The following USP54 variants were observed in gnomAD, a reference collection of about 807,000 sequenced individuals.
The protein encoded by USP54 is ubiquitin carboxyl-terminal hydrolase 54.
USP54 carries 87 observed loss-of-function variants against 170.5 expected under a neutral mutation model. The observed-to-expected ratio is 0.51, with a 90% CI of 0.43 to 0.61. The LOEUF is 0.61. USP54 is among the 20% of genes least tolerant of loss of function. The pLI is 0.00. For missense variants in USP54, 1,786 were observed against 2,047.8 expected, an observed-to-expected ratio of 0.87 and a Z score of 2.47; for synonymous variants, 655 against 742.8, an observed-to-expected ratio of 0.88 and a Z score of 1.92.
At chr10:73,562,502 GT>G (rs2073308525) in intron 4 of USP54, among the ~76,000 whole-genome samples, 1 of 152,052 alleles carries the variant, frequency 6.6e-6, no homozygotes, top group Non-Finnish European at 1.5e-5. Flanking sequence ...ATGTTCTTCA[GT>G]TTTGCCTGGT....
At chr10:73,582,389 C>G (rs1341728078) in intron 1 of USP54, among the ~76,000 whole-genome samples, 2 of 144,122 alleles carry the variant, frequency 1.4e-5, no homozygotes, top group Non-Finnish European at 3.1e-5. Flanking sequence ...AGGAGAAGGA[C>G]TTTTTTTTTT....
chr10:73,539,772 C>A (rs1456567337), intron 9 of USP54, among the ~76,000 whole-genome samples, 179 bp from the exon 10 acceptor site: 1 of 152,144 alleles, frequency 6.6e-6, no homozygotes, highest in Non-Finnish European at 1.5e-5. Flanking sequence ...CTTTGTGAGG[C>A]CAAGGTAAGA....
chr10:73,556,486 C>T (rs2071086168), intron 4 of USP54, among the ~76,000 whole-genome samples: 1 of 151,810 alleles, frequency 6.6e-6, no homozygotes, highest in South Asian at 2.1e-4. Flanking sequence ...GCTGGGATTA[C>T]AGGCACCTGC....
chr10:73,557,833 A>C (rs2071542039), intron 4 of USP54, among the ~76,000 whole-genome samples: 1 of 151,678 alleles, frequency 6.6e-6, no homozygotes, highest in Non-Finnish European at 1.5e-5. Context: ...TTCAGTGACT[A>C]ACCACATCAA....
intron 1 of USP54, among the ~76,000 whole-genome samples, chr10:73,618,144 G>A (rs1296041121): frequency 1.3e-5 from 2 of 150,044 alleles, no homozygotes; most frequent in East Asian, 3.9e-4. Context: ...CCGGGAGGCG[G>A]AGGTTGCAGT....
chr10:73,533,223 A>T (rs2064407763), intron 12 of USP54, among the ~76,000 whole-genome samples: 2 of 151,826 alleles, frequency 1.3e-5, no homozygotes, highest in Non-Finnish European at 2.9e-5. Context: ...GGAGAATGGC[A>T]TGAACCTGGG....
At chr10:73,534,566 TC>T in intron 12 of USP54, 33 bp downstream of exon 12, 1 of 1,602,834 alleles carries the variant, frequency 6.2e-7, no homozygotes, top group South Asian at 1.1e-5. Flanking sequence ...AGGAATTGAT[TC>T]AGGCAAGCAG....
At chr10:73,557,878 C>CTTTTTTTTTTT (rs765656681) in intron 4 of USP54, among the ~76,000 whole-genome samples, 4 of 114,988 alleles carry the variant, frequency 3.5e-5, no homozygotes, top group Non-Finnish European at 5.4e-5. Context: ...AGCTATTATT[C>CTTTTTTTTTTT]TTTTTTTTTT....
At chr10:73,561,290 TAAGTCAAACAATCATAGTTCTAGATAGA>T (rs2072974912) in intron 4 of USP54, among the ~76,000 whole-genome samples, 1 of 151,960 alleles carries the variant, frequency 6.6e-6, no homozygotes, top group African/African-American at 2.4e-5. Context: ...TAAATACTAT[TAAGTCAAACAATCATAGTTCTAGATAGA>T]TAGCATTTCT....
chr10:73,571,606 A>G, intron 3 of USP54, 93 bp from the exon 4 acceptor site: 1 of 909,428 alleles, frequency 1.1e-6, no homozygotes, highest in Non-Finnish European at 1.7e-6. Flanking sequence ...TAATGACTGC[A>G]GAAGATGTCT....
chr10:73,611,961 A>G (rs990260928), intron 1 of USP54, among the ~76,000 whole-genome samples: 3 of 151,574 alleles, frequency 2.0e-5, no homozygotes, highest in Non-Finnish European at 4.4e-5. Flanking sequence ...ATACAAAAAA[A>G]CTAGCCAGGC....
At chr10:73,564,815 C>G (rs1159420690) in intron 4 of USP54, among the ~76,000 whole-genome samples, 2 of 150,548 alleles carry the variant, frequency 1.3e-5, no homozygotes, top group South Asian at 4.2e-4. Context: ...CTCATGCCAG[C>G]ACCTTGAGAG....
chr10:73,540,284 A>C (rs1056234450), intron 9 of USP54, among the ~76,000 whole-genome samples: 1 of 150,896 alleles, frequency 6.6e-6, no homozygotes, highest in African/African-American at 2.4e-5. Flanking sequence ...AAAAAAAAAA[A>C]AACCAGCTGG....
chr10:73,537,635 G>A lies in USP54; in HGVS notation c.976-1198C>T, dbSNP rs57126956. 3.4e-3 allele frequency among the ~76,000 whole-genome samples: 514 copies of A among 151,754 alleles called. 12 individuals are homozygous for A. In the East Asian group the frequency reaches 0.041, roughly 12 times the overall value. On this transcript the variant is annotated intron_variant, in intron 10 of 23. Transcript: ENST00000687698. ...ACAAAGAATAATTTACAGCAGCCCCGAGACAAAGTAGTACCCACTGATAAC... is the reference window on the plus strand; with the variant it reads ...ACAAAGAATAATTTACAGCAGCCCCAAGACAAAGTAGTACCCACTGATAAC...
At chr10:73,515,151 A>G (rs1241363616) in intron 20 of USP54, among the ~76,000 whole-genome samples, 5 of 152,216 alleles carry the variant, frequency 3.3e-5, no homozygotes, top group East Asian at 1.9e-4. Context: ...AACTGTAATT[A>G]TATGTTGGTT....
At chr10:73,502,406 G>A (rs911178147) in intron 22 of USP54, among the ~76,000 whole-genome samples, 3 of 152,060 alleles carry the variant, frequency 2.0e-5, no homozygotes, top group African/African-American at 7.2e-5. Flanking sequence ...TCTGCCTCCT[G>A]GGTTCACACC....
intron 1 of USP54, among the ~76,000 whole-genome samples, chr10:73,611,366 G>C (rs1469115323): frequency 6.6e-6 from 1 of 152,064 alleles, no homozygotes; most frequent in South Asian, 2.1e-4. Flanking sequence ...CCTTAGTGAA[G>C]TACAAGGTAT....
upstream of USP54, among the ~76,000 whole-genome samples, chr10:73,595,455 A>T (rs1251188454): frequency 1.3e-5 from 2 of 152,142 alleles, no homozygotes; most frequent in African/African-American, 4.8e-5. Context: ...AAAAAAACTG[A>T]TCCAAAGAAT....
At chr10:73,547,795 C>G (rs1426449136) in intron 4 of USP54, among the ~76,000 whole-genome samples, 1 of 152,130 alleles carries the variant, frequency 6.6e-6, no homozygotes, top group Admixed American at 6.6e-5. Flanking sequence ...AAAACCTAGG[C>G]AATACCATTC....
Sources: allele counts gnomAD v4.1 joint callset (sites outside exome capture counted in the v4.1 genomes callset), GRCh38; gene constraint gnomAD v4.1.1; transcripts MANE v1.5; gene names NCBI Gene and HGNC (gene_info 2026-07-23, HGNC 2026-07-21).